Variants in MYO9B observed in about 807,000 individuals in gnomAD.
MYO9B encodes the protein myosin IXB.
MYO9B carries 71 observed loss-of-function variants against 229.5 expected under a neutral mutation model. The ratio of observed to expected loss-of-function variants is 0.31; its 90% CI spans 0.26 to 0.38. The LOEUF is 0.38. Among genes scored for constraint, MYO9B ranks in the 10% least tolerant of loss-of-function variants. The pLI is 1.00. For missense variants in MYO9B, 2,255 were observed against 2,920.5 expected (o/e 0.77, Z 5.25); for synonymous variants, 1,185 against 1,235.8 (o/e 0.96, Z 0.86).
intron 8 of MYO9B, among the ~76,000 whole-genome samples, chr19:17,161,799 G>A (rs2072605379): frequency 6.6e-6 from 1 of 152,018 alleles, no homozygotes; most frequent in South Asian, 2.1e-4. Flanking sequence ...CTGGGCGATA[G>A]AACAAGACTC....
intron 3 of MYO9B, among the ~76,000 whole-genome samples, chr19:17,148,482 G>C (rs564289006): frequency 6.6e-6 from 1 of 152,188 alleles, no homozygotes; most frequent in Non-Finnish European, 1.5e-5. Flanking sequence ...TCTAGGGAAA[G>C]ATCCTGGCTA....
Position 17,188,005 on chromosome 19 carries a change from G to A in MYO9B, c.2648G>A (p.Arg883His), listed in dbSNP as rs762506732. 5.4e-5 allele frequency: 87 copies of A among 1,600,794 alleles called. No homozygotes were observed. The highest frequency in any genetic ancestry group is 6.9e-5 in the Non-Finnish European group (81 of 1,173,982). ...LRYTGMLETV[R>H]IRRSGYSAKY... Reference sequence around the variant, plus strand: ...TACACCGGCATGCTGGAGACCGTGCGCATCCGGAGGTCAGGGTACAGCGCC... The same window carrying A: ...TACACCGGCATGCTGGAGACCGTGCACATCCGGAGGTCAGGGTACAGCGCC... The change falls in exon 19 of 40, where the codon CGC (arginine) becomes CAC (histidine). Residue 883 changes from arginine to histidine, a missense_variant. By Grantham distance (29) the Arg-to-His change is conservative. Around this residue, in one of 7 missense-constraint regions of MYO9B, gnomAD observed 68 missense variants for 133.5 expected, o/e 0.51. Coordinates refer to ENST00000682292, the MANE Select transcript of MYO9B (RefSeq NM_004145.4).
chr19:17,164,461 A>G (rs142577173), intron 10 of MYO9B, among the ~76,000 whole-genome samples: 31 of 151,848 alleles, frequency 2.0e-4, no homozygotes, highest in African/African-American at 7.5e-4. Context: ...GCTCACTGCA[A>G]CCTCTGCCTC....
At chr19:17,125,628 G>C (rs191503554) in intron 2 of MYO9B, among the ~76,000 whole-genome samples, 4 of 152,244 alleles carry the variant, frequency 2.6e-5, no homozygotes, top group Middle Eastern at 3.4e-3. Context: ...GGGAGTCCTT[G>C]CTGCGTTTCA....
intron 2 of MYO9B, among the ~76,000 whole-genome samples, chr19:17,144,675 G>GA (rs919535527): frequency 8.6e-5 from 13 of 151,388 alleles, no homozygotes; most frequent in African/African-American, 2.9e-4. Flanking sequence ...AACAGTTAAA[G>GA]AAAAAATAAG....
In MYO9B at chr19:17,173,997, T is replaced by C. The variant is rs367613668; in HGVS notation, c.2140+1034T>C. Among the ~76,000 whole-genome samples, 28 of 151,020 alleles carry C rather than the reference T, an allele frequency of 1.9e-4. No homozygotes were observed. The East Asian group carries it at 5.1e-3, about 27-fold the overall frequency. On this transcript the variant is annotated intron_variant, in intron 13 of 39. Transcript: ENST00000682292. The stretch of plus-strand genomic sequence containing the variant: ...AACTTCACAGTTACCCACCCAACTT[T>C]GCCCCAAACTTGAGTGATGAGCTGC...
chr19:17,114,613 A>G (rs1446038671), intron 2 of MYO9B, among the ~76,000 whole-genome samples: 1 of 152,198 alleles, frequency 6.6e-6, no homozygotes, highest in African/African-American at 2.4e-5. Context: ...TGCACTGAGA[A>G]GTAACATGCT....
In MYO9B at chr19:17,205,560, G is replaced by A. The variant is rs574445532; in HGVS notation, c.5064+224G>A. On this transcript the variant is annotated intron_variant, in intron 31 of 39. Transcript: ENST00000682292. ...CTGTGTGTGTGTCTCAGCTCCCCCAGCCCTGCTCATCCTTGCTCCTGAGAG... is the reference window on the plus strand; with the variant it reads ...CTGTGTGTGTGTCTCAGCTCCCCCAACCCTGCTCATCCTTGCTCCTGAGAG... 3.9e-5 allele frequency among the ~76,000 whole-genome samples: 6 copies of A among 152,320 alleles called. No individual in the cohort carries two copies. In the East Asian group the frequency reaches 1.2e-3, roughly 29 times the overall value.
intron 11 of MYO9B, among the ~76,000 whole-genome samples, chr19:17,170,647 C>CAAAAAAAAAAA (rs55894910): frequency 1.1e-5 from 1 of 88,842 alleles, no homozygotes; most frequent in African/African-American, 4.4e-5. Flanking sequence ...CCCATCTCTA[C>CAAAAAAAAAAA]AAAAAAAAAA....
intron 2 of MYO9B, among the ~76,000 whole-genome samples, chr19:17,112,621 C>T (rs922721261): frequency 3.3e-5 from 5 of 152,162 alleles, no homozygotes; most frequent in African/African-American, 1.2e-4. Context: ...GAGATGGCTG[C>T]AGGGGAACTG....
intron 2 of MYO9B, among the ~76,000 whole-genome samples, chr19:17,115,966 G>A (rs1568669922): frequency 6.6e-6 from 1 of 152,140 alleles, no homozygotes; most frequent in Non-Finnish European, 1.5e-5. Flanking sequence ...GTCAGGAAAG[G>A]AGGACACAGA....
At chr19:17,159,823 T>A (rs1409182937) in intron 8 of MYO9B, among the ~76,000 whole-genome samples, 1 of 152,250 alleles carries the variant, frequency 6.6e-6, no homozygotes, top group Non-Finnish European at 1.5e-5. Context: ...CCCATTCATT[T>A]ACATACCACT....
chr19:17,172,399 G>A lies in MYO9B; in HGVS notation c.1857G>A (p.Lys619=), dbSNP rs769321947. Residue 619 remains lysine, a synonymous_variant, in exon 12 of 40, where the codon AAG becomes AAA. Coordinates refer to ENST00000682292, the MANE Select transcript of MYO9B (RefSeq NM_004145.4). The surrounding 1 kb of genome is among the most constrained non-coding windows in gnomAD (Gnocchi z 8.2). ...AKFKQQHEDN[K]YFLGTPVMEP... ...TCAAACAGCAACATGAGGACAATAA[G>A]TACTTCCTGGGCACCCCGGTCATGG... The A allele has an allele frequency of 6.2e-7, 1 of 1,613,978 alleles. No individual in the cohort carries two copies. The highest frequency in any genetic ancestry group is 1.1e-5 in the South Asian group (1 of 91,084).
intron 2 of MYO9B, among the ~76,000 whole-genome samples, chr19:17,108,059 G>C (rs2057809620): frequency 1.3e-5 from 2 of 152,148 alleles, no homozygotes; most frequent in African/African-American, 4.8e-5. Context: ...CTGGGGACCG[G>C]TAGTTCCTCC....
intron 3 of MYO9B, 167 bp from the exon 4 acceptor site, chr19:17,152,477 C>A (rs550974285): frequency 3.4e-5 from 18 of 533,304 alleles, no homozygotes; most frequent in African/African-American, 1.7e-4. Context: ...GCAAGAGAAT[C>A]GCTTGAACCC....
At chr19:17,122,113 C>T (rs907726469) in intron 2 of MYO9B, among the ~76,000 whole-genome samples, 5 of 152,220 alleles carry the variant, frequency 3.3e-5, no homozygotes, top group Admixed American at 6.5e-5. Flanking sequence ...CAGAATGAGC[C>T]TCCACTCAGA....
chr19:17,203,219 T>C lies in MYO9B; in HGVS notation c.4951T>C (p.Ser1651Pro). 1 of 1,568,172 alleles carries C rather than the reference T, an allele frequency of 6.4e-7. No individual in the cohort carries two copies. The highest frequency in any genetic ancestry group is 8.6e-7 in the Non-Finnish European group (1 of 1,156,438). Residue 1651 changes from serine to proline, a missense_variant, in exon 30 of 40, where the codon TCC becomes CCC. Ser to Pro is a moderately conservative substitution (Grantham distance 74, BLOSUM62 -1). Transcript: ENST00000682292. ...CCCGCAGTCGTGCGAGCAGTGCCTC[T>C]CCTATATCTGGCTCATGGACAAGGC... ...SIPQSCEQCLSYIWLMDKALL... is the reference protein window; with the variant it reads ...SIPQSCEQCLPYIWLMDKALL...
chr19:17,104,493 T>C (rs142546348), intron 2 of MYO9B, among the ~76,000 whole-genome samples: 12 of 152,284 alleles, frequency 7.9e-5, no homozygotes, highest in Non-Finnish European at 1.3e-4. Flanking sequence ...TCCACATGTC[T>C]CAGAACAACG....
At position 17,190,263 on chromosome 19, in the gene MYO9B, G is replaced by A. The variant is rs188754702; in HGVS notation, c.2689-834G>A. Among the ~76,000 whole-genome samples, 197 of 150,798 alleles carry A rather than the reference G, an allele frequency of 1.3e-3. 2 individuals are homozygous for A. Among genetic ancestry groups the A allele is most frequent in the Admixed American group, 0.011 (160 of 15,132 alleles). ...GGCTGGAGTACAGTGGTGTGATCTC[G>A]GCTCACTCCAACCTCCATCTCCCGG... is the stretch of plus-strand genomic sequence containing the variant. On this transcript the variant is annotated intron_variant, in intron 19 of 39. Coordinates refer to ENST00000682292, the MANE Select transcript of MYO9B (RefSeq NM_004145.4).
Sources: allele counts gnomAD v4.1 joint callset (sites outside exome capture counted in the v4.1 genomes callset), GRCh38; gene constraint gnomAD v4.1.1; regional missense constraint gnomAD v4.1.1; non-coding constraint Gnocchi (gnomAD v3.1); transcripts MANE v1.5; gene names NCBI Gene and HGNC (gene_info 2026-07-23, HGNC 2026-07-21).